Variants in EXOC4 observed in about 807,000 individuals in gnomAD.
EXOC4 encodes exocyst complex component 4.
In EXOC4, 71 loss-of-function variants were observed where a neutral mutation model predicts 107.2. The observed-to-expected ratio is 0.66, with a 90% CI of 0.55 to 0.81. The LOEUF (loss-of-function observed/expected upper bound fraction) is 0.81, where lower values mean the gene tolerates loss of function less well. EXOC4 is among the 30% of genes least tolerant of loss of function. The pLI, the probability that EXOC4 is intolerant of heterozygous loss-of-function variation, is 0.00. For synonymous variants in EXOC4, 456 were observed against 441.2 expected (o/e 1.03, Z -0.42); for missense variants, 1,108 against 1,189.6 (o/e 0.93, Z 1.01).
rs1795468004 is a variant in EXOC4 at position 134,039,613 on chromosome 7, C to T, written c.2688-24678C>T. Among the ~76,000 whole-genome samples the T allele has an allele frequency of 3.9e-5, 6 of 152,152 alleles. No individual in the cohort carries two copies. In the South Asian group the frequency reaches 1.2e-3, roughly 32 times the overall value. On this transcript the variant is annotated intron_variant, in intron 17 of 17. Coordinates refer to ENST00000253861, the MANE Select transcript of EXOC4 (RefSeq NM_021807.4). ...TCATAGTCCTCCATTCAGAGCTGAC[C>T]TCTACCCCCAGCTGGTCATATTGCT...
intron 11 of EXOC4, among the ~76,000 whole-genome samples, chr7:133,850,654 A>C (rs1457938966): frequency 2.7e-5 from 4 of 149,328 alleles, no homozygotes; most frequent in Non-Finnish European, 4.5e-5. Flanking sequence ...ACACACACAC[A>C]CCCATGTCAA....
At chr7:133,592,677 A>T (rs898377342) in intron 9 of EXOC4, among the ~76,000 whole-genome samples, 3 of 152,082 alleles carry the variant, frequency 2.0e-5, no homozygotes, top group African/African-American at 7.2e-5. Context: ...ATCTCAGCTC[A>T]CTGCAACCTC....
intron 11 of EXOC4, among the ~76,000 whole-genome samples, chr7:133,842,846 T>C (rs1798049829): frequency 6.6e-6 from 1 of 152,200 alleles, no homozygotes; most frequent in Non-Finnish European, 1.5e-5. Context: ...CCAGTTTCAA[T>C]CTAATGCACA....
At chr7:133,512,917 C>A (rs1440750405) in intron 9 of EXOC4, among the ~76,000 whole-genome samples, 1 of 152,128 alleles carries the variant, frequency 6.6e-6, no homozygotes, top group African/African-American at 2.4e-5. Flanking sequence ...ACCAGTCTGG[C>A]CAGTGTGGCA....
At chr7:133,523,304 C>T (rs866503870) in intron 9 of EXOC4, among the ~76,000 whole-genome samples, 1 of 152,076 alleles carries the variant, frequency 6.6e-6, no homozygotes, top group Non-Finnish European at 1.5e-5. Context: ...TACTAGTTTC[C>T]TATAAATTAG....
At chr7:133,696,765 C>T (rs1794543794) in intron 10 of EXOC4, among the ~76,000 whole-genome samples, 1 of 152,144 alleles carries the variant, frequency 6.6e-6, no homozygotes, top group Admixed American at 6.5e-5. Flanking sequence ...GTTGCATTTA[C>T]CACAATTTTA....
intron 7 of EXOC4, among the ~76,000 whole-genome samples, chr7:133,456,017 G>C (rs1798455349): frequency 6.6e-6 from 1 of 152,200 alleles, no homozygotes; most frequent in South Asian, 2.1e-4. Flanking sequence ...GAATAAGCCA[G>C]AATGTCTTTG....
At chr7:133,884,042 C>T (rs1287268992) in intron 11 of EXOC4, among the ~76,000 whole-genome samples, 2 of 151,912 alleles carry the variant, frequency 1.3e-5, no homozygotes, top group Non-Finnish European at 2.9e-5. Flanking sequence ...ACAAGTTTTA[C>T]TGACTTGTCA....
chr7:133,786,850 A>G (rs950781569), intron 10 of EXOC4, among the ~76,000 whole-genome samples: 1 of 151,986 alleles, frequency 6.6e-6, no homozygotes, highest in African/African-American at 2.4e-5. Context: ...CAAAGTCAGA[A>G]TGTATTAGTC....
intron 17 of EXOC4, among the ~76,000 whole-genome samples, chr7:134,052,340 A>G (rs1325045411): frequency 6.6e-6 from 1 of 152,230 alleles, no homozygotes; most frequent in Admixed American, 6.5e-5. Context: ...ACTGGATACA[A>G]GAGTTAAAAA....
At chr7:134,025,356 C>T (rs1364974575) in intron 17 of EXOC4, among the ~76,000 whole-genome samples, 3 of 152,092 alleles carry the variant, frequency 2.0e-5, no homozygotes, top group African/African-American at 7.2e-5. Context: ...GGATTGCATG[C>T]CCTGAAGCAA....
intron 15 of EXOC4, among the ~76,000 whole-genome samples, chr7:134,000,069 G>A (rs1043750884): frequency 2.0e-5 from 3 of 152,096 alleles, no homozygotes; most frequent in Non-Finnish European, 2.9e-5. Context: ...CTCAGAACAC[G>A]AAGCATGGGA....
intron 5 of EXOC4, among the ~76,000 whole-genome samples, chr7:133,326,387 G>A (rs1325710011): frequency 6.6e-6 from 1 of 152,114 alleles, no homozygotes; most frequent in Non-Finnish European, 1.5e-5. Context: ...TGGGGTTTTG[G>A]TGTGGATGTC....
chr7:133,536,739 C>A (rs1800277659), intron 9 of EXOC4, among the ~76,000 whole-genome samples: 1 of 151,992 alleles, frequency 6.6e-6, no homozygotes, highest in South Asian at 2.1e-4. Context: ...GGACTTTGAT[C>A]TGTCTTAATG....
intron 17 of EXOC4, among the ~76,000 whole-genome samples, chr7:134,030,168 A>G (rs566456615): frequency 6.6e-6 from 1 of 152,332 alleles, no homozygotes; most frequent in South Asian, 2.1e-4. Context: ...GAATTAAGAG[A>G]GGGAAAGCAT....
chr7:133,539,525 C>T (rs1800340013), intron 9 of EXOC4, among the ~76,000 whole-genome samples: 1 of 150,382 alleles, frequency 6.6e-6, no homozygotes, highest in Non-Finnish European at 1.5e-5. Context: ...GCATTCTCTT[C>T]CATGTTGATT....
intron 10 of EXOC4, among the ~76,000 whole-genome samples, chr7:133,715,078 T>G (rs887083375): frequency 6.6e-6 from 1 of 152,210 alleles, no homozygotes; most frequent in African/African-American, 2.4e-5. Flanking sequence ...AGTTTTTTCC[T>G]GGGTTGTATA....
intron 10 of EXOC4, among the ~76,000 whole-genome samples, chr7:133,791,953 G>A (rs958916446): frequency 6.6e-6 from 1 of 152,134 alleles, no homozygotes; most frequent in African/African-American, 2.4e-5. Context: ...AAACATCATT[G>A]AACATTGTTT....
chr7:134,099,623 G>A, the EXOC4 span, among the ~76,000 whole-genome samples: 10 of 143,916 alleles, frequency 6.9e-5, no homozygotes, highest in East Asian at 6.6e-4. Flanking sequence ...TCCGCCCCCC[G>A]GGGTTCATGC....
Sources: gnomAD v4.1 joint callset for allele counts (sites outside exome capture counted in the v4.1 genomes callset) on GRCh38, gnomAD v4.1.1 for gene constraint, MANE v1.5 for transcripts, NCBI Gene and HGNC (gene_info 2026-07-23, HGNC 2026-07-21) for gene names.